Variants in DACH2 observed in about 807,000 individuals in gnomAD.
DACH2 encodes dachshund family transcription factor 2.
DACH2 carries 17 observed loss-of-function variants against 35.8 expected under a neutral mutation model. The ratio of observed to expected loss-of-function variants is 0.48; its 90% CI spans 0.33 to 0.71. The LOEUF (loss-of-function observed/expected upper bound fraction) is 0.71, where lower values mean the gene tolerates loss of function less well. DACH2 is among the 30% of genes least tolerant of loss of function. The probability of loss-of-function intolerance (pLI) is 0.02; values close to 1 mark genes in which losing one functional copy is unlikely to be tolerated. For missense variants in DACH2, 469 were observed against 472.7 expected, an observed-to-expected ratio of 0.99 and a Z score of 0.07; for synonymous variants, 195 against 177.3, an observed-to-expected ratio of 1.10 and a Z score of -0.79.
chrX:86,502,011 TTTCCTTCCTTCC>T (rs533021751), intron 2 of DACH2, among the ~76,000 whole-genome samples: 94 of 95,544 alleles, frequency 9.8e-4, no homozygotes, highest in East Asian at 9.6e-3. Flanking sequence ...TCTTTCCTTC[TTTCCTTCCTTCC>T]TTCCTTCCTT....
intron 1 of DACH2, among the ~76,000 whole-genome samples, chrX:86,330,170 C>T (rs1464752548): frequency 1.8e-5 from 2 of 111,640 alleles, no homozygotes; most frequent in African/African-American, 3.2e-5. Flanking sequence ...TAGTTGTTTC[C>T]TTCATAGGAA....
chrX:86,556,781 TATATATATATATATAGAG>T (rs1394873529), intron 3 of DACH2, among the ~76,000 whole-genome samples: 32 of 62,913 alleles, frequency 5.1e-4, no homozygotes, highest in East Asian at 1.2e-3. Context: ...TATATATATA[TATATATATATATATAGAG>T]AGAGAGAGAG....
chrX:86,504,597 A>G (rs1380499227), intron 2 of DACH2, among the ~76,000 whole-genome samples: 1 of 110,753 alleles, frequency 9.0e-6, no homozygotes, highest in Non-Finnish European at 1.9e-5. Flanking sequence ...TGTTAACAAC[A>G]TTCACATTGT....
intron 2 of DACH2, among the ~76,000 whole-genome samples, chrX:86,397,009 T>C (rs968553952): frequency 9.0e-6 from 1 of 111,413 alleles, no homozygotes; most frequent in African/African-American, 3.3e-5. Flanking sequence ...ATATTGATTC[T>C]TCCTACCCGT....
At chrX:86,309,487 A>G (rs904666303) in intron 1 of DACH2, among the ~76,000 whole-genome samples, 1 of 111,791 alleles carries the variant, frequency 8.9e-6, no homozygotes, top group African/African-American at 3.3e-5. Flanking sequence ...CTTTGTCATA[A>G]TATTTTTGGA....
intron 7 of DACH2, among the ~76,000 whole-genome samples, chrX:86,765,697 G>C (rs200097252): frequency 8.5e-5 from 3 of 35,233 alleles, no homozygotes; most frequent in African/African-American, 3.2e-4. Flanking sequence ...GTTGTTTTTT[G>C]GTTTTTTTTT....
At chrX:86,304,596 A>G (rs1460544031) in intron 1 of DACH2, 1 of 161,885 alleles carries the variant, frequency 6.2e-6, no homozygotes, top group East Asian at 1.5e-4. Context: ...TTCTCTGACC[A>G]TCACATGGCC....
chrX:86,723,503 A>T (rs1409069893), intron 6 of DACH2, among the ~76,000 whole-genome samples: 1 of 110,991 alleles, frequency 9.0e-6, no homozygotes, highest in Non-Finnish European at 1.9e-5. Context: ...TTCCATTTTC[A>T]TTTGTTTTAA....
rs376016027 is a variant in DACH2, at chrX:86,375,737, T to G, written c.489-1087T>G. 7.8e-4 allele frequency among the ~76,000 whole-genome samples: 85 copies of G among 108,896 alleles called. 2 individuals carry two copies. The East Asian group carries it at 0.023, about 30-fold the overall frequency. The allele number at this position is 108,896 out of a possible 115,157, so 94.6% of individuals were successfully genotyped here. On this transcript the variant is annotated intron_variant, in intron 1 of 11. Coordinates refer to ENST00000373125, the MANE Select transcript of DACH2 (RefSeq NM_053281.3). Reference sequence around the variant, plus strand: ...CCTCTCCCCAGCAACCCCAGATATATTTTCATTTTTTTTAGAACGCTCTCT... The same window carrying G: ...CCTCTCCCCAGCAACCCCAGATATAGTTTCATTTTTTTTAGAACGCTCTCT...
At chrX:86,391,328 G>A (rs1367468201) in intron 2 of DACH2, among the ~76,000 whole-genome samples, 1 of 87,126 alleles carries the variant, frequency 1.1e-5, no homozygotes, top group Non-Finnish European at 2.2e-5. Flanking sequence ...AAAAAGACTG[G>A]TTTCTCGATT....
At position 86,614,303 on chromosome X, in the gene DACH2, A is replaced by T. The variant is rs371516555; in HGVS notation, c.641-36733A>T. 2.5e-4 allele frequency among the ~76,000 whole-genome samples: 28 copies of T among 111,620 alleles called. No homozygotes were observed. The East Asian group carries it at 2.5e-3, about 10-fold the overall frequency. On this transcript the variant is annotated intron_variant, in intron 3 of 11. Coordinates refer to ENST00000373125, the MANE Select transcript of DACH2 (RefSeq NM_053281.3). ...TCTGCCTCCAAAAAGCAAGCTTGTT[A>T]ATGGGGAGTAGAATTTATTTGTAAT...
At chrX:86,438,076 C>G (rs752788955) in intron 2 of DACH2, among the ~76,000 whole-genome samples, 1 of 109,473 alleles carries the variant, frequency 9.1e-6, no homozygotes, top group Non-Finnish European at 1.9e-5. Context: ...TTGTTCCCCT[C>G]TTTGTGTCCA....
At chrX:86,630,403 T>TAC (rs201540041) in intron 3 of DACH2, among the ~76,000 whole-genome samples, 7 of 109,012 alleles carry the variant, frequency 6.4e-5, no homozygotes, top group East Asian at 5.8e-4. Flanking sequence ...CACATATATA[T>TAC]ACACATATAT....
At chrX:86,656,067 A>G (rs2040537099) in intron 4 of DACH2, among the ~76,000 whole-genome samples, 1 of 95,607 alleles carries the variant, frequency 1.0e-5, no homozygotes, top group Non-Finnish European at 2.1e-5. Context: ...GGCCTCGGTG[A>G]TTACATAGAT....
intron 1 of DACH2, among the ~76,000 whole-genome samples, chrX:86,317,128 A>G (rs918353112): frequency 7.3e-5 from 8 of 109,409 alleles, no homozygotes; most frequent in African/African-American, 2.7e-4. Flanking sequence ...AAAAAAAAAA[A>G]AAAAAGGAAT....
intron 2 of DACH2, among the ~76,000 whole-genome samples, chrX:86,428,539 A>C: frequency 8.9e-6 from 1 of 112,161 alleles, no homozygotes; most frequent in East Asian, 2.8e-4. Context: ...ATCTAATTCT[A>C]CAAATAGAAT....
intron 3 of DACH2, among the ~76,000 whole-genome samples, chrX:86,640,644 T>C (rs1210060218): frequency 1.8e-5 from 2 of 110,441 alleles, no homozygotes; most frequent in African/African-American, 3.3e-5. Context: ...AGTGGGCAGC[T>C]AAGGAGTGCC....
At chrX:86,747,380 G>A (rs997002528) in intron 7 of DACH2, among the ~76,000 whole-genome samples, 6 of 111,005 alleles carry the variant, frequency 5.4e-5, no homozygotes, top group East Asian at 2.8e-4. Flanking sequence ...ATGTTTTGTC[G>A]TTTTCAAACT....
At chrX:86,524,891 CTATA>C (rs963910180) in intron 3 of DACH2, among the ~76,000 whole-genome samples, 2 of 110,754 alleles carry the variant, frequency 1.8e-5, no homozygotes, top group Non-Finnish European at 3.8e-5. Context: ...TGATAATAAT[CTATA>C]TAGTGCTTTA....
Sources: allele counts gnomAD v4.1 joint callset (sites outside exome capture counted in the v4.1 genomes callset), GRCh38; gene constraint gnomAD v4.1.1; transcripts MANE v1.5; gene names NCBI Gene and HGNC (gene_info 2026-07-23, HGNC 2026-07-21).